The following SLC39A11 variants were observed in gnomAD, a reference collection of about 807,000 sequenced individuals.
The protein encoded by SLC39A11 is zinc transporter ZIP11.
SLC39A11 carries 33 observed loss-of-function variants against 36.1 expected under a neutral mutation model. The ratio of observed to expected loss-of-function variants is 0.91; its 90% CI spans 0.69 to 1.22. SLC39A11 has a LOEUF of 1.22. SLC39A11 is among the 50% of genes most tolerant of loss of function. SLC39A11 has a pLI of 0.00. For missense variants in SLC39A11, 432 were observed against 430.3 expected (o/e 1.00, Z -0.03); for synonymous variants, 166 against 170.3 (o/e 0.97, Z 0.20).
In SLC39A11 at chr17:72,959,311, A is replaced by ATGTGTGTG. The variant is rs1214552224; in HGVS notation, c.307-11444_307-11437dup. On this transcript the variant is annotated intron_variant, in intron 4 of 9. Coordinates refer to ENST00000255559, the MANE Select transcript of SLC39A11 (RefSeq NM_139177.4). ...AGTGGACAAAGAAACTGGTGTATGT[A>ATGTGTGTG]TGTGTGTGTGTGTGTATATATATAT... is the stretch of plus-strand genomic sequence containing the variant. 1.8e-3 allele frequency among the ~76,000 whole-genome samples: 168 copies of ATGTGTGTG among 92,574 alleles called. 2 individuals carry two copies. Among genetic ancestry groups the ATGTGTGTG allele is most frequent in the African/African-American group, 6.6e-3 (157 of 23,916 alleles). The allele number at this position is 92,574 out of a possible 152,430, so 60.7% of individuals were successfully genotyped here. A position where few individuals can be genotyped will look rare whatever the true frequency, so the allele number is the denominator to read the frequency against.
intron 4 of SLC39A11, among the ~76,000 whole-genome samples, chr17:73,016,205 A>G (rs1448795894): frequency 6.6e-6 from 1 of 152,174 alleles, no homozygotes; most frequent in African/African-American, 2.4e-5. Flanking sequence ...CCACTATATC[A>G]TGTTTCTTAA....
chr17:73,071,881 C>T (rs1435943331), intron 3 of SLC39A11, among the ~76,000 whole-genome samples: 2 of 152,226 alleles, frequency 1.3e-5, no homozygotes, highest in Non-Finnish European at 2.9e-5. Context: ...CTTCCTTACA[C>T]ACACAGGCCA....
chr17:72,908,853 G>A (rs1230715124), intron 5 of SLC39A11, among the ~76,000 whole-genome samples: 2 of 152,196 alleles, frequency 1.3e-5, no homozygotes, highest in African/African-American at 4.8e-5. Flanking sequence ...AGTCAAACAA[G>A]GATGCTGGCC....
intron 6 of SLC39A11, among the ~76,000 whole-genome samples, chr17:72,789,486 A>C (rs2056228421): frequency 6.6e-6 from 1 of 152,212 alleles, no homozygotes; most frequent in Non-Finnish European, 1.5e-5. Flanking sequence ...TGGCTGTGAA[A>C]GCAGGTAAAC....
intron 4 of SLC39A11, among the ~76,000 whole-genome samples, chr17:73,004,447 TA>T (rs1166113063): frequency 6.6e-6 from 1 of 152,132 alleles, no homozygotes; most frequent in Non-Finnish European, 1.5e-5. Context: ...TGTCTCTTCT[TA>T]AAAGGACACT....
intron 4 of SLC39A11, among the ~76,000 whole-genome samples, chr17:73,030,464 A>G (rs780082596): frequency 1.3e-5 from 2 of 152,194 alleles, no homozygotes; most frequent in African/African-American, 2.4e-5. Context: ...TTAAGGAAAA[A>G]AGAAAGCAGG....
At chr17:72,845,581 A>G (rs1193064036) in intron 6 of SLC39A11, among the ~76,000 whole-genome samples, 1 of 152,196 alleles carries the variant, frequency 6.6e-6, no homozygotes, top group Non-Finnish European at 1.5e-5. Flanking sequence ...CTTTTTTTAA[A>G]TCACTAACCA....
intron 5 of SLC39A11, among the ~76,000 whole-genome samples, chr17:72,934,601 G>T (rs911173669): frequency 2.6e-5 from 4 of 152,156 alleles, no homozygotes; most frequent in African/African-American, 9.7e-5. Context: ...GGGACGCGGA[G>T]GTTGCTGTGA....
chr17:72,937,412 G>A (rs556155384), intron 5 of SLC39A11, among the ~76,000 whole-genome samples: 12 of 152,236 alleles, frequency 7.9e-5, no homozygotes, highest in African/African-American at 2.6e-4. Context: ...CCGAGATTGC[G>A]CCACTGCACT....
At chr17:72,746,683 A>G (rs2074951714) in intron 6 of SLC39A11, among the ~76,000 whole-genome samples, 1 of 152,126 alleles carries the variant, frequency 6.6e-6, no homozygotes. Flanking sequence ...GCTTGCAGTG[A>G]GCTGAGATCA....
chr17:72,748,352 C>T (rs1344699134), intron 6 of SLC39A11, among the ~76,000 whole-genome samples: 1 of 151,966 alleles, frequency 6.6e-6, no homozygotes, highest in Non-Finnish European at 1.5e-5. Context: ...AATAAAGTCA[C>T]ATCCTATTGT....
At chr17:72,873,705 T>C (rs1012236652) in intron 5 of SLC39A11, among the ~76,000 whole-genome samples, 12 of 152,174 alleles carry the variant, frequency 7.9e-5, no homozygotes, top group Non-Finnish European at 1.3e-4. Context: ...TGCCCTTGGA[T>C]TGTTTCCTTG....
intron 5 of SLC39A11, among the ~76,000 whole-genome samples, chr17:72,886,643 T>A (rs1290730166): frequency 6.6e-6 from 1 of 152,206 alleles, no homozygotes; most frequent in African/African-American, 2.4e-5. Flanking sequence ...CTTTAGAATG[T>A]GTGTCAGCTC....
At chr17:72,996,372 G>A (rs540073858) in intron 4 of SLC39A11, among the ~76,000 whole-genome samples, 30 of 152,200 alleles carry the variant, frequency 2.0e-4, no homozygotes, top group African/African-American at 6.0e-4. Context: ...TAGGGCTGCC[G>A]GAACTAATCA....
At chr17:72,848,402 T>C (rs2079146165) in intron 6 of SLC39A11, among the ~76,000 whole-genome samples, 2 of 152,238 alleles carry the variant, frequency 1.3e-5, no homozygotes, top group Admixed American at 6.5e-5. Flanking sequence ...TAATATGTCC[T>C]TTTTTCCAAT....
chr17:72,967,399 A>AGAGAGTGTGTGTGT (rs143987646), intron 4 of SLC39A11, among the ~76,000 whole-genome samples: 23 of 138,270 alleles, frequency 1.7e-4, no homozygotes, highest in African/African-American at 6.4e-4. Context: ...AGAGAGAGAG[A>AGAGAGTGTGTGTGT]GTGTGTGTGT....
intron 9 of SLC39A11, among the ~76,000 whole-genome samples, chr17:72,647,992 C>T (rs2069646149): frequency 6.6e-6 from 1 of 152,086 alleles, no homozygotes; most frequent in Admixed American, 6.6e-5. Flanking sequence ...AAAGATATTA[C>T]TTAATCTGGC....
intron 4 of SLC39A11, among the ~76,000 whole-genome samples, chr17:73,014,350 T>G (rs2090693896): frequency 6.6e-6 from 1 of 152,136 alleles, no homozygotes; most frequent in Non-Finnish European, 1.5e-5. Context: ...TAGAAATCAA[T>G]CAGCTGAGTA....
At chr17:72,739,411 G>A (rs138654107) in intron 6 of SLC39A11, among the ~76,000 whole-genome samples, 3 of 152,354 alleles carry the variant, frequency 2.0e-5, no homozygotes, top group African/African-American at 7.2e-5. Context: ...ACAGGCATGA[G>A]CCACTGCACG....
Sources: allele counts gnomAD v4.1 joint callset (sites outside exome capture counted in the v4.1 genomes callset), GRCh38; gene constraint gnomAD v4.1.1; transcripts MANE v1.5; gene names NCBI Gene and HGNC (gene_info 2026-07-23, HGNC 2026-07-21).